Variants in CPEB3 observed in about 807,000 individuals in gnomAD.
CPEB3 encodes the protein cytoplasmic polyadenylation element binding protein 3.
In CPEB3, 20 loss-of-function variants were observed where a neutral mutation model predicts 67.2. That is an observed-to-expected ratio of 0.30 (90% CI 0.21 to 0.43). The LOEUF is 0.43. Among genes scored for constraint, CPEB3 ranks in the 20% least tolerant of loss-of-function variants. The pLI is 1.00. For missense variants in CPEB3, 746 were observed against 968.6 expected (o/e 0.77, Z 3.05); for synonymous variants, 376 against 393.1 (o/e 0.96, Z 0.51).
At chr10:92,197,487 T>C (rs186157593) in intron 2 of CPEB3, among the ~76,000 whole-genome samples, 174 of 152,366 alleles carry the variant, frequency 1.1e-3, no homozygotes, top group Admixed American at 2.2e-3. Flanking sequence ...AGACCTTTTT[T>C]TATAAGTTTT....
At chr10:92,154,501 GTTCAAGTTATCCCCTGCT>G (rs1034831849) in intron 4 of CPEB3, among the ~76,000 whole-genome samples, 20 of 152,178 alleles carry the variant, frequency 1.3e-4, no homozygotes, top group Non-Finnish European at 2.6e-4. Flanking sequence ...TTGAGCTGAT[GTTCAAGTTATCCCCTGCT>G]TTCATTACTT....
intron 8 of CPEB3, among the ~76,000 whole-genome samples, chr10:92,087,470 A>C (rs948095125): frequency 1.3e-5 from 2 of 152,204 alleles, no homozygotes; most frequent in Admixed American, 1.3e-4. Context: ...GGCCTAAGGA[A>C]GTCATGAAGT....
chr10:92,225,870 A>G (rs1260342672), intron 2 of CPEB3, among the ~76,000 whole-genome samples: 2 of 152,158 alleles, frequency 1.3e-5, no homozygotes, highest in African/African-American at 4.8e-5. Flanking sequence ...AGGCCGAGGC[A>G]GGCAGATCAC....
chr10:92,271,435 T>C (rs1853303308), intron 1 of CPEB3, among the ~76,000 whole-genome samples: 1 of 152,212 alleles, frequency 6.6e-6, no homozygotes, highest in Non-Finnish European at 1.5e-5. Context: ...TCCATTTACT[T>C]GTCAAGTCTC....
At chr10:92,106,788 C>T (rs1844479133) in intron 7 of CPEB3, among the ~76,000 whole-genome samples, 1 of 109,144 alleles carries the variant, frequency 9.2e-6, no homozygotes, top group Admixed American at 1.2e-4. Flanking sequence ...GCACTCCAGC[C>T]TAGGCAAAAG....
At chr10:92,174,265 C>T (rs1564837879) in intron 4 of CPEB3, among the ~76,000 whole-genome samples, 1 of 152,226 alleles carries the variant, frequency 6.6e-6, no homozygotes, top group East Asian at 1.9e-4. Context: ...GAAGAGGAGG[C>T]TCTGCAGCCA....
chr10:92,213,361 A>T (rs1850188134), intron 2 of CPEB3, among the ~76,000 whole-genome samples: 1 of 152,222 alleles, frequency 6.6e-6, no homozygotes, highest in African/African-American at 2.4e-5. Flanking sequence ...AAGTGAAATA[A>T]GTTGTGTTGG....
chr10:92,163,125 T>A (rs1847573237), intron 4 of CPEB3, among the ~76,000 whole-genome samples: 1 of 152,178 alleles, frequency 6.6e-6, no homozygotes, highest in South Asian at 2.1e-4. Flanking sequence ...ATAGAATAGT[T>A]TCACTGCCTT....
intron 2 of CPEB3, among the ~76,000 whole-genome samples, chr10:92,207,921 A>G (rs1849872625): frequency 6.6e-6 from 1 of 152,218 alleles, no homozygotes; most frequent in African/African-American, 2.4e-5. Context: ...AGTACTGGGC[A>G]CATAGCCAAT....
At chr10:92,217,746 G>A (rs1850500604) in intron 2 of CPEB3, among the ~76,000 whole-genome samples, 1 of 151,990 alleles carries the variant, frequency 6.6e-6, no homozygotes, top group Non-Finnish European at 1.5e-5. Context: ...TGGGCAACAA[G>A]CGCAAAACTG....
At chr10:92,145,742 CTA>C in intron 4 of CPEB3, among the ~76,000 whole-genome samples, 1 of 152,074 alleles carries the variant, frequency 6.6e-6, no homozygotes, top group Non-Finnish European at 1.5e-5. Flanking sequence ...TATTCAGCAG[CTA>C]TGTTTTTTTC....
chr10:92,053,681 A>C (rs937051652), intron 9 of CPEB3, among the ~76,000 whole-genome samples: 1 of 151,868 alleles, frequency 6.6e-6, no homozygotes, highest in Non-Finnish European at 1.5e-5. Context: ...AGCTGGGACT[A>C]CAGGCACCCG....
rs1166249584 is a variant in CPEB3, at chr10:92,098,160, TAAAAAAAAAAAAAAAAAAAAAAAA to T, written c.1573-6240_1573-6217del. ...TGGGCAACAAGAGTGACACTCTGCCTAAAAAAAAAAAAAAAAAAAAAAAAAAAAAAAAAAAAAAAATCTGTTCAA... is the reference window on the plus strand; with the variant it reads ...TGGGCAACAAGAGTGACACTCTGCCTAAAAAAAAAAAAAAAATCTGTTCAA... On this transcript the variant is annotated intron_variant, in intron 7 of 9. Transcript: ENST00000265997. Among the ~76,000 whole-genome samples, 9 of 36,126 alleles carry T rather than the reference TAAAAAAAAAAAAAAAAAAAAAAAA, an allele frequency of 2.5e-4. 1 individual carries two copies. Among genetic ancestry groups the T allele is most frequent in the East Asian group, 2.1e-3 (2 of 950 alleles). 23.7% of individuals were successfully genotyped at this position (36,126 alleles called of 152,430 possible).
chr10:92,111,548 C>G (rs1844741820), intron 6 of CPEB3, among the ~76,000 whole-genome samples: 1 of 152,220 alleles, frequency 6.6e-6, no homozygotes, highest in African/African-American at 2.4e-5. Context: ...AAGCTCTAGG[C>G]TGGCCACATG....
Position 92,239,946 on chromosome 10 carries a change from G to A in CPEB3, c.405C>T (p.Leu135=), listed in dbSNP as rs1324805038. 1 of 1,613,474 alleles carries A rather than the reference G, an allele frequency of 6.2e-7. No individual in the cohort carries two copies. The highest frequency in any genetic ancestry group is 1.3e-5 in the African/African-American group (1 of 74,924). ...QGITPVNGTM[L]FQNFPHHVNP... Reference sequence around the variant, plus strand: ...TGACATGGTGCGGGAAGTTCTGGAAGAGCATGGTCCCGTTGACTGGGGTGA... The same window carrying A: ...TGACATGGTGCGGGAAGTTCTGGAAAAGCATGGTCCCGTTGACTGGGGTGA... The change falls in exon 2 of 10, where the codon CTC becomes CTT. Residue 135 remains leucine, a synonymous_variant. Coordinates refer to ENST00000265997, the MANE Select transcript of CPEB3 (RefSeq NM_014912.5). This position sits in a 1 kb window ranked among gnomAD's most constrained non-coding sequence, Gnocchi z 6.0.
intron 2 of CPEB3, among the ~76,000 whole-genome samples, chr10:92,215,403 C>T (rs1232791222): frequency 2.0e-5 from 3 of 151,302 alleles, no homozygotes; most frequent in African/African-American, 4.9e-5. Context: ...CCGCCCACCA[C>T]AGCCTCCCAA....
intron 2 of CPEB3, among the ~76,000 whole-genome samples, chr10:92,235,955 T>A (rs1411620448): frequency 6.6e-6 from 1 of 152,250 alleles, no homozygotes; most frequent in Non-Finnish European, 1.5e-5. Flanking sequence ...GATGCATAAG[T>A]AATTTGTGGG....
At chr10:92,070,413 T>C (rs936676844) in intron 9 of CPEB3, among the ~76,000 whole-genome samples, 21 of 152,260 alleles carry the variant, frequency 1.4e-4, no homozygotes, top group African/African-American at 4.8e-4. Context: ...GAGGAACTAA[T>C]TGTAGGGACT....
At chr10:92,242,301 C>T (rs934354121) in intron 1 of CPEB3, among the ~76,000 whole-genome samples, 4 of 152,130 alleles carry the variant, frequency 2.6e-5, no homozygotes, top group Non-Finnish European at 4.4e-5. Context: ...CACAGATTGC[C>T]GGCTACTACC....
Sources: allele counts gnomAD v4.1 joint callset (sites outside exome capture counted in the v4.1 genomes callset), GRCh38; gene constraint gnomAD v4.1.1; non-coding constraint Gnocchi (gnomAD v3.1); transcripts MANE v1.5; gene names NCBI Gene and HGNC (gene_info 2026-07-23, HGNC 2026-07-21).